The following OTUD7A variants were observed in gnomAD, a reference collection of about 807,000 sequenced individuals.
The protein encoded by OTUD7A is OTU domain-containing protein 7A.
OTUD7A carries 12 observed loss-of-function variants against 65.7 expected under a neutral mutation model. That is an observed-to-expected ratio of 0.18 (90% CI 0.12 to 0.30). The LOEUF (loss-of-function observed/expected upper bound fraction) is 0.30. Among genes scored for constraint, OTUD7A ranks in the 10% least tolerant of loss-of-function variants. The probability of loss-of-function intolerance (pLI) is 1.00; values close to 1 mark genes in which losing one functional copy is unlikely to be tolerated. For missense variants in OTUD7A, 1,148 were observed against 1,304.8 expected (o/e 0.88, Z 1.85); for synonymous variants, 641 against 586.3 (o/e 1.09, Z -1.35).
intron 4 of OTUD7A, among the ~76,000 whole-genome samples, chr15:31,560,501 C>T (rs536184573): frequency 6.6e-5 from 10 of 152,184 alleles, no homozygotes; most frequent in Non-Finnish European, 1.3e-4. Flanking sequence ...TTTTTATAAG[C>T]CCTGTGTTCT....
chr15:31,513,316 T>C (rs1369609928), intron 8 of OTUD7A, among the ~76,000 whole-genome samples: 1 of 152,208 alleles, frequency 6.6e-6, no homozygotes, highest in Non-Finnish European at 1.5e-5. Context: ...CCCTGGAAAG[T>C]TCTTGCTCAT....
intron 1 of OTUD7A, among the ~76,000 whole-genome samples, chr15:31,763,432 G>A (rs1895023132): frequency 6.6e-6 from 1 of 152,180 alleles, no homozygotes; most frequent in Non-Finnish European, 1.5e-5. Context: ...ATGGCAGAAT[G>A]GAGATAGCAG....
At chr15:31,617,581 T>A (rs1447910554) in intron 3 of OTUD7A, among the ~76,000 whole-genome samples, 2 of 152,112 alleles carry the variant, frequency 1.3e-5, no homozygotes, top group Non-Finnish European at 2.9e-5. Flanking sequence ...TACACAGGAA[T>A]ATATACTGCA....
intron 1 of OTUD7A, among the ~76,000 whole-genome samples, chr15:31,796,998 T>G (rs2140943957): frequency 6.6e-6 from 1 of 152,292 alleles, no homozygotes. Context: ...CCTCCCAAAG[T>G]GCTGGGATTA....
chr15:31,808,136 C>CACACACACACAT (rs772574742), intron 1 of OTUD7A, among the ~76,000 whole-genome samples: 3 of 119,418 alleles, frequency 2.5e-5, no homozygotes, highest in African/African-American at 8.4e-5. Context: ...CACACACACA[C>CACACACACACAT]AAACAAATCC....
chr15:31,819,854 C>T (rs763249415), intron 1 of OTUD7A, among the ~76,000 whole-genome samples: 2 of 151,584 alleles, frequency 1.3e-5, no homozygotes, highest in African/African-American at 2.4e-5. Context: ...CAAATATATT[C>T]GATATATGTA....
chr15:31,660,258 G>A (rs1224062660), intron 1 of OTUD7A, among the ~76,000 whole-genome samples: 5 of 152,222 alleles, frequency 3.3e-5, no homozygotes, highest in Non-Finnish European at 7.3e-5. Flanking sequence ...CTGGGCTCCC[G>A]TGGTGAAATG....
intron 1 of OTUD7A, among the ~76,000 whole-genome samples, chr15:31,785,728 C>T (rs568496818): frequency 2.6e-5 from 4 of 152,316 alleles, no homozygotes; most frequent in African/African-American, 9.6e-5. Flanking sequence ...GCAGTGAGAG[C>T]CTGCCCTATT....
At chr15:31,752,492 G>A (rs976332739) in intron 1 of OTUD7A, among the ~76,000 whole-genome samples, 5 of 152,112 alleles carry the variant, frequency 3.3e-5, no homozygotes, top group African/African-American at 1.2e-4. Flanking sequence ...TTTGTACTCT[G>A]TTACTCTAAA....
rs538776861 is a variant in OTUD7A, at chr15:31,823,117, T to C, written c.-100+47390A>G. On this transcript the variant is annotated intron_variant, in intron 1 of 12. Coordinates refer to ENST00000307050, the MANE Select transcript of OTUD7A (RefSeq NM_001382637.1). Reference sequence around the variant, plus strand: ...TGTGTTTCAAAGACAAAAAATACCATACACATAAAGCTCTGCTCCTCGATG... The same window carrying C: ...TGTGTTTCAAAGACAAAAAATACCACACACATAAAGCTCTGCTCCTCGATG... Among the ~76,000 whole-genome samples, 120 of 152,236 alleles carry C rather than the reference T, an allele frequency of 7.9e-4. No homozygotes were observed. The South Asian group carries it at 0.024, about 31-fold the overall frequency.
rs1386717835 is a variant in OTUD7A at position 31,849,974 on chromosome 15, T to A, written c.-100+20533A>T. Among the ~76,000 whole-genome samples the A allele has an allele frequency of 3.3e-5, 5 of 152,336 alleles. No homozygotes were observed. The East Asian group carries it at 9.6e-4, about 29-fold the overall frequency. ...TTACACTGTTAGTGGGAGTGTAAAC[T>A]AGTTCAACCATTGTGGAAGACAGTG... is the stretch of plus-strand genomic sequence containing the variant. On this transcript the variant is annotated intron_variant, in intron 1 of 12. Transcript: ENST00000307050.
chr15:31,580,620 T>C (rs1321341678), intron 3 of OTUD7A, among the ~76,000 whole-genome samples: 1 of 152,112 alleles, frequency 6.6e-6, no homozygotes, highest in Non-Finnish European at 1.5e-5. Context: ...GGCCTGACAA[T>C]CATGGTGGAA....
At chr15:31,645,506 C>T (rs572436579) in intron 3 of OTUD7A, among the ~76,000 whole-genome samples, 2 of 152,308 alleles carry the variant, frequency 1.3e-5, no homozygotes, top group South Asian at 4.1e-4. Context: ...ACCCATTCGC[C>T]TGTCCCCAGA....
intron 1 of OTUD7A, among the ~76,000 whole-genome samples, chr15:31,773,742 T>G (rs192869073): frequency 6.6e-6 from 1 of 152,078 alleles, no homozygotes; most frequent in Admixed American, 6.6e-5. Context: ...GATGCTGGAG[T>G]TTTTGATGGG....
At chr15:31,499,023 C>T (rs780869293) in intron 10 of OTUD7A, among the ~76,000 whole-genome samples, 19 of 152,248 alleles carry the variant, frequency 1.2e-4, no homozygotes, top group Admixed American at 5.9e-4. Flanking sequence ...GGGGGCTTCC[C>T]TTAGAGGGAG....
At chr15:31,805,462 T>G (rs1896244659) in intron 1 of OTUD7A, among the ~76,000 whole-genome samples, 1 of 152,118 alleles carries the variant, frequency 6.6e-6, no homozygotes, top group Non-Finnish European at 1.5e-5. Flanking sequence ...GCGTGAACCC[T>G]CTCTTCTATC....
chr15:31,773,892 C>T lies in OTUD7A; in HGVS notation c.-100+96615G>A, dbSNP rs182797378. Among the ~76,000 whole-genome samples, 746 of 152,198 alleles carry T rather than the reference C, an allele frequency of 4.9e-3. 5 individuals carry two copies. The highest frequency in any genetic ancestry group is 0.017 in the African/African-American group (713 of 41,504). On this transcript the variant is annotated intron_variant, in intron 1 of 12. Coordinates refer to ENST00000307050, the MANE Select transcript of OTUD7A (RefSeq NM_001382637.1). ...GAGGCTGGGAGAGGCAATTTATAAT[C>T]GACTCACAATCTGTTGACCAGCACC...
intron 1 of OTUD7A, among the ~76,000 whole-genome samples, chr15:31,831,700 C>G (rs1190973025): frequency 6.6e-6 from 1 of 152,198 alleles, no homozygotes; most frequent in Non-Finnish European, 1.5e-5. Flanking sequence ...TTCACAGTAG[C>G]CTTATTCCAA....
intron 5 of OTUD7A, among the ~76,000 whole-genome samples, chr15:31,541,768 T>G (rs1457794806): frequency 1.3e-5 from 2 of 152,112 alleles, no homozygotes; most frequent in Admixed American, 1.3e-4. Flanking sequence ...CTGGAGACCC[T>G]GAAATGTGGG....
Sources: allele counts gnomAD v4.1 joint callset (sites outside exome capture counted in the v4.1 genomes callset), GRCh38; gene constraint gnomAD v4.1.1; transcripts MANE v1.5; gene names NCBI Gene and HGNC (gene_info 2026-07-23, HGNC 2026-07-21).